Variants in SANBR observed in about 807,000 individuals in gnomAD.
SANBR encodes the protein SANT and BTB domain regulator of CSR.
A neutral mutation model predicts 101.8 loss-of-function variants in SANBR; 77 were observed. That is an observed-to-expected ratio of 0.76 (90% confidence interval 0.63 to 0.91). The LOEUF is 0.91. Among genes scored for constraint, SANBR ranks in the 40% least tolerant of loss-of-function variants. The pLI is 0.00. For missense variants in SANBR, 875 were observed against 853.0 expected (o/e 1.03, Z -0.32); for synonymous variants, 279 against 274.7 (o/e 1.02, Z -0.15).
chr2:61,124,509 G>C (rs1684456809), downstream of SANBR, among the ~76,000 whole-genome samples: 1 of 152,106 alleles, frequency 6.6e-6, no homozygotes, highest in South Asian at 2.1e-4. Flanking sequence ...AGATCAGCCT[G>C]GGCAACATAG....
chr2:61,110,910 C>T (rs150248685), intron 16 of SANBR, among the ~76,000 whole-genome samples: 1 of 151,906 alleles, frequency 6.6e-6, no homozygotes, highest in East Asian at 1.9e-4. Flanking sequence ...TGTCATACAA[C>T]TTAGTGAACC....
At chr2:61,074,255 T>C (rs1033551262) in intron 5 of SANBR, among the ~76,000 whole-genome samples, 1 of 152,244 alleles carries the variant, frequency 6.6e-6, no homozygotes, top group African/African-American at 2.4e-5. Context: ...GGTTGATGAT[T>C]GTGCTGATTG....
intron 10 of SANBR, chr2:61,089,158 A>T (rs1682608667): frequency 1.0e-6 from 1 of 984,914 alleles, no homozygotes; most frequent in African/African-American, 1.7e-5. Flanking sequence ...GGTGAGGAAA[A>T]TTGTCTTTAG....
At chr2:61,120,295 G>T (rs1054970243) in intron 20 of SANBR, among the ~76,000 whole-genome samples, 14 of 149,248 alleles carry the variant, frequency 9.4e-5, no homozygotes, top group Non-Finnish European at 1.4e-4. Context: ...AAAGTCAAGA[G>T]ATCAAGACCA....
In SANBR at chr2:61,103,950, A is replaced by G. The variant is rs200004095; in HGVS notation, c.1463A>G (p.His488Arg). 1 of 1,614,098 alleles carries G rather than the reference A, an allele frequency of 6.2e-7. No homozygotes were observed. The highest frequency in any genetic ancestry group is 8.5e-7 in the Non-Finnish European group (1 of 1,180,040). The change falls in exon 13 of 22, where the codon CAC becomes CGC. Residue 488 changes from histidine to arginine, a missense_variant. Transcript: ENST00000402291. ...CPTARMLDDLHKYRDVIVVPF... is the reference protein window; with the variant it reads ...CPTARMLDDLRKYRDVIVVPF... Reference sequence around the variant, plus strand: ...ACTGCTAGAATGTTGGACGATTTGCACAAGTACAGAGATGTCATTGTTGTG... The same window carrying G: ...ACTGCTAGAATGTTGGACGATTTGCGCAAGTACAGAGATGTCATTGTTGTG...
intron 13 of SANBR, among the ~76,000 whole-genome samples, chr2:61,105,516 C>T (rs565398678): frequency 4.0e-5 from 6 of 150,014 alleles, no homozygotes; most frequent in Admixed American, 2.0e-4. Context: ...AACAGCCACC[C>T]GCCACCACAC....
intron 8 of SANBR, among the ~76,000 whole-genome samples, chr2:61,086,158 ATTTAT>A (rs1019011324): frequency 2.0e-5 from 3 of 151,532 alleles, no homozygotes; most frequent in African/African-American, 2.4e-5. Flanking sequence ...TTTCCTTTTT[ATTTAT>A]TTTATTTTAT....
rs930664758 is a variant in SANBR at position 61,106,792 on chromosome 2, G to A, written c.1611+130G>A. ...TAATCATAAGAAGGTATTATGCCTA[G>A]TAATAGGACTCTAAGGGCAATAGGA... On this transcript the variant is annotated intron_variant, in intron 14 of 21. Transcript: ENST00000402291. 4 of 547,218 alleles carry A rather than the reference G, an allele frequency of 7.3e-6. No individual in the cohort carries two copies. In the Admixed American group the frequency reaches 1.6e-4, roughly 22 times the overall value. 33.9% of individuals were successfully genotyped at this position (547,218 alleles called of 1,614,324 possible).
At chr2:61,101,499 T>C (rs539780896) in intron 12 of SANBR, among the ~76,000 whole-genome samples, 50 of 151,972 alleles carry the variant, frequency 3.3e-4, no homozygotes, top group African/African-American at 1.1e-3. Context: ...TTTGGGAGGC[T>C]GAGGCGGGCG....
intron 8 of SANBR, among the ~76,000 whole-genome samples, chr2:61,087,096 A>G (rs547590717): frequency 5.9e-5 from 9 of 152,310 alleles, no homozygotes; most frequent in Non-Finnish European, 1.0e-4. Flanking sequence ...AACATCACTT[A>G]ACCCTCATAA....
At chr2:61,095,760 C>T (rs1270160237) in intron 11 of SANBR, among the ~76,000 whole-genome samples, 6 of 152,106 alleles carry the variant, frequency 3.9e-5, no homozygotes, top group African/African-American at 1.2e-4. Context: ...AGCTTTTCAT[C>T]CCACCTCAGA....
intron 10 of SANBR, chr2:61,090,554 G>C (rs1271923308): frequency 1.3e-5 from 2 of 152,572 alleles, no homozygotes; most frequent in African/African-American, 4.8e-5. Flanking sequence ...GCTGAGGCTG[G>C]AATGCAGTGG....
chr2:61,080,325 A>C (rs757232828), intron 6 of SANBR, among the ~76,000 whole-genome samples: 2 of 152,182 alleles, frequency 1.3e-5, no homozygotes, highest in African/African-American at 2.4e-5. Flanking sequence ...AAAATGCTTA[A>C]TTAAATTTCT....
chr2:61,088,950 G>T, intron 10 of SANBR: 1 of 891,938 alleles, frequency 1.1e-6, no homozygotes, highest in South Asian at 5.2e-5. Flanking sequence ...CAAGGTAGTT[G>T]TTAGTACATT....
chr2:61,121,911 A>G (rs1045196446), intron 21 of SANBR, among the ~76,000 whole-genome samples: 2 of 152,194 alleles, frequency 1.3e-5, no homozygotes, highest in African/African-American at 4.8e-5. Context: ...CTCCAGATCC[A>G]TTATATACAA....
chr2:61,071,972 C>T (rs1014342784), intron 4 of SANBR, among the ~76,000 whole-genome samples, 180 bp downstream of exon 4: 2 of 152,136 alleles, frequency 1.3e-5, no homozygotes, highest in Non-Finnish European at 2.9e-5. Context: ...AGGTCTTGTT[C>T]TGTTGCCCAG....
At chr2:61,091,593 C>CA (rs35588752) in intron 10 of SANBR, among the ~76,000 whole-genome samples, 3,716 of 133,662 alleles carry the variant, frequency 0.028, 59 homozygotes, top group African/African-American at 0.045. Context: ...AAACTCCGTC[C>CA]AAAAAAAAAA....
Position 61,070,476 on chromosome 2 carries a change from C to A in SANBR, c.126C>A (p.Leu42=), listed in dbSNP as rs375664926. 3 of 1,605,596 alleles carry A rather than the reference C, an allele frequency of 1.9e-6. No individual in the cohort carries two copies. Among genetic ancestry groups the A allele is most frequent in the Non-Finnish European group, 2.5e-6 (3 of 1,176,910 alleles). ...TCAACTGGGAAACTATAGCAAGGCT[C>A]GTGCCTGGATTAACACCAAAAGAGG... ...QTINWETIAR[L]VPGLTPKECA... Residue 42 remains leucine, a synonymous_variant, in exon 3 of 22, where the codon CTC becomes CTA. Coordinates refer to ENST00000402291, the MANE Select transcript of SANBR (RefSeq NM_001129993.3).
chr2:61,116,256 C>T (rs779022534), intron 17 of SANBR, among the ~76,000 whole-genome samples, 186 bp downstream of exon 17: 2 of 151,980 alleles, frequency 1.3e-5, no homozygotes, highest in Non-Finnish European at 2.9e-5. Flanking sequence ...GGTGCAGAAA[C>T]GTATAGTGGT....
Sources: allele counts gnomAD v4.1 joint callset (sites outside exome capture counted in the v4.1 genomes callset), GRCh38; gene constraint gnomAD v4.1.1; transcripts MANE v1.5; gene names NCBI Gene and HGNC (gene_info 2026-07-23, HGNC 2026-07-21).